Variants in CDK17 observed in about 807,000 individuals in gnomAD.
The protein encoded by CDK17 is cyclin dependent kinase 17, also known as cyclin-dependent kinase 17.
In CDK17, 24 loss-of-function variants were observed where a neutral mutation model predicts 77.6. The observed-to-expected ratio is 0.31, with a 90% confidence interval of 0.22 to 0.44. CDK17 has a LOEUF of 0.44. CDK17 is among the 20% of genes least tolerant of loss of function. CDK17 has a pLI of 1.00. For synonymous variants in CDK17, 203 were observed against 210.4 expected (o/e 0.96, Z 0.30); for missense variants, 429 against 622.5 (o/e 0.69, Z 3.31).
At chr12:96,297,546 A>C (rs1592711094) in intron 8 of CDK17, 81 bp downstream of exon 8, 1 of 1,028,160 alleles carries the variant, frequency 9.7e-7, no homozygotes, top group East Asian at 2.4e-5. Context: ...GTTTAAAGAA[A>C]AATAAAAAAC....
chr12:96,285,965 T>C (rs1952240272), intron 13 of CDK17, 78 bp downstream of exon 13: 1 of 731,006 alleles, frequency 1.4e-6, no homozygotes, highest in Non-Finnish European at 2.4e-6. Flanking sequence ...TTTTCCTGAA[T>C]CCTTACTGTG....
intron 1 of CDK17, among the ~76,000 whole-genome samples, chr12:96,389,359 T>C (rs1283713315): frequency 1.3e-5 from 2 of 152,170 alleles, no homozygotes; most frequent in Non-Finnish European, 1.5e-5. Context: ...ATTGAAAACA[T>C]ATAACCAATT....
chr12:96,390,434 T>C (rs1954048518), intron 1 of CDK17, among the ~76,000 whole-genome samples: 2 of 146,534 alleles, frequency 1.4e-5, no homozygotes, highest in South Asian at 4.5e-4. Context: ...CTTGGCCAGG[T>C]GCGGTGGCTC....
intron 1 of CDK17, among the ~76,000 whole-genome samples, chr12:96,364,684 G>A (rs1300667213): frequency 2.6e-5 from 4 of 152,010 alleles, no homozygotes; most frequent in Non-Finnish European, 4.4e-5. Flanking sequence ...CAAGAAATAC[G>A]GCACATACTA....
chr12:96,349,584 T>A (rs2137169420), intron 1 of CDK17, among the ~76,000 whole-genome samples: 3 of 139,334 alleles, frequency 2.2e-5, no homozygotes, highest in South Asian at 2.3e-4. Context: ...CCTTTCATGA[T>A]AAAATCACTC....
chr12:96,393,055 A>G (rs1954098432), intron 1 of CDK17, among the ~76,000 whole-genome samples: 1 of 152,194 alleles, frequency 6.6e-6, no homozygotes, highest in Admixed American at 6.5e-5. Flanking sequence ...ATTGAGACAT[A>G]AAGGACCACT....
At chr12:96,311,229 T>C (rs1952642077) in intron 4 of CDK17, 52 bp from the exon 5 acceptor site, 1 of 1,441,208 alleles carries the variant, frequency 6.9e-7, no homozygotes, top group African/African-American at 1.5e-5. Context: ...GCATTTGGCT[T>C]TTGTATTCAC....
intron 1 of CDK17, among the ~76,000 whole-genome samples, chr12:96,377,835 A>G (rs1458895252): frequency 2.0e-5 from 3 of 151,502 alleles, no homozygotes; most frequent in Non-Finnish European, 4.4e-5. Context: ...CTGAGACTAC[A>G]GGCGCCCGCC....
chr12:96,310,961 A>G (rs1273690546), intron 5 of CDK17, 91 bp downstream of exon 5: 2 of 1,310,950 alleles, frequency 1.5e-6, no homozygotes, highest in African/African-American at 3.1e-5. Context: ...TCTAAAGTCA[A>G]GTATAAAAAT....
chr12:96,287,957 T>C (rs748799726), intron 11 of CDK17, among the ~76,000 whole-genome samples: 3 of 152,110 alleles, frequency 2.0e-5, no homozygotes, highest in Non-Finnish European at 2.9e-5. Context: ...AAGTGGTACT[T>C]AGAACAGTCA....
chr12:96,319,298 C>T (rs1168338823), intron 3 of CDK17, among the ~76,000 whole-genome samples: 3 of 140,846 alleles, frequency 2.1e-5, no homozygotes, highest in Non-Finnish European at 3.1e-5. Context: ...GAAATTGTGG[C>T]AATAATCAAT....
chr12:96,384,140 C>T (rs1240508968), intron 1 of CDK17, among the ~76,000 whole-genome samples: 1 of 151,872 alleles, frequency 6.6e-6, no homozygotes, highest in African/African-American at 2.4e-5. Flanking sequence ...AGCCAACAAA[C>T]ACATGAAAAA....
intron 1 of CDK17, among the ~76,000 whole-genome samples, chr12:96,376,274 A>G (rs1158171695): frequency 2.6e-5 from 4 of 152,256 alleles, no homozygotes; most frequent in Admixed American, 1.3e-4. Context: ...AAGACACTGA[A>G]AAAGCTTACC....
intron 13 of CDK17, chr12:96,285,582 G>A (rs1025265627): frequency 6.6e-6 from 1 of 152,436 alleles, no homozygotes. Context: ...CTTGGGGTAG[G>A]TCTAAGAAGA....
intron 1 of CDK17, among the ~76,000 whole-genome samples, chr12:96,345,528 G>A (rs1270018122): frequency 1.3e-5 from 2 of 152,144 alleles, no homozygotes; most frequent in Admixed American, 6.5e-5. Flanking sequence ...TTCGACTGGT[G>A]TGAGATGTTA....
chr12:96,323,268 TAAA>T, intron 3 of CDK17, among the ~76,000 whole-genome samples: 1 of 96,814 alleles, frequency 1.0e-5, no homozygotes. Flanking sequence ...CCCCGTCTTC[TAAA>T]AAAAAAAAAA....
rs1953575194 is a variant in CDK17 at position 96,365,814 on chromosome 12, G to A, written c.-29-30949C>T. ...CCCAGCTACTTGGGGGGCTGAGGTG[G>A]GGAGACTGTTTGAGCCTAGGAGTTC... On this transcript the variant is annotated intron_variant, in intron 1 of 16. Transcript: ENST00000261211. 2.0e-5 allele frequency among the ~76,000 whole-genome samples: 3 copies of A among 152,206 alleles called. No homozygotes were observed. In the South Asian group the frequency reaches 6.2e-4, roughly 32 times the overall value.
intron 1 of CDK17, among the ~76,000 whole-genome samples, chr12:96,372,011 TTGTGTGTG>T (rs992158332): frequency 1.1e-4 from 1 of 9,134 alleles, no homozygotes; most frequent in Admixed American, 1.4e-3. Context: ...GAGTGTGTGT[TTGTGTGTG>T]TGTGTGTGTG....
intron 1 of CDK17, among the ~76,000 whole-genome samples, chr12:96,389,133 T>C (rs920203188): frequency 7.7e-6 from 1 of 129,276 alleles, no homozygotes; most frequent in Non-Finnish European, 1.6e-5. Context: ...CTCAACTAAT[T>C]TTTTTTTTTT....
Sources: allele counts gnomAD v4.1 joint callset (sites outside exome capture counted in the v4.1 genomes callset), GRCh38; gene constraint gnomAD v4.1.1; transcripts MANE v1.5; gene names NCBI Gene and HGNC (gene_info 2026-07-23, HGNC 2026-07-21).